PER3: variants seen among roughly 807,000 people sequenced by gnomAD.
PER3 encodes the protein period circadian protein homolog 3.
PER3 carries 107 observed loss-of-function variants against 127.2 expected under a neutral mutation model. The ratio of observed to expected loss-of-function variants is 0.84; its 90% CI spans 0.72 to 0.99. The LOEUF (loss-of-function observed/expected upper bound fraction) is 0.99. Ranked by LOEUF, PER3 falls within the 50% of genes least tolerant of loss-of-function variation. PER3 has a pLI of 0.00. For missense variants in PER3, 1,560 were observed against 1,525.8 expected (o/e 1.02, Z -0.37); for synonymous variants, 618 against 585.8 (o/e 1.05, Z -0.79).
At chr1:7,793,659 C>G (rs185334815) in intron 5 of PER3, among the ~76,000 whole-genome samples, 39 of 152,194 alleles carry the variant, frequency 2.6e-4, no homozygotes, top group Admixed American at 1.4e-3. Context: ...TTACATTGAC[C>G]TTTGAGATGA....
Position 7,843,267 on chromosome 1 carries a change from G to A in PER3, c.*512G>A, listed in dbSNP as rs191701351. ...TCCATAATTAAGATGAAACATTCCG[G>A]TTTTCTCACAACACATTAGCACATA... On this transcript the variant is annotated 3_prime_UTR_variant, in exon 22 of 22. Coordinates refer to ENST00000377532, the MANE Select transcript of PER3 (RefSeq NM_001377275.1). 4.6e-5 allele frequency: 7 copies of A among 153,048 alleles called. No individual in the cohort carries two copies. In the East Asian group the frequency reaches 1.3e-3, roughly 29 times the overall value. 9.5% of individuals were successfully genotyped at this position (153,048 alleles called of 1,614,324 possible).
chr1:7,808,102 G>C (rs1355622069), intron 10 of PER3, among the ~76,000 whole-genome samples: 1 of 151,782 alleles, frequency 6.6e-6, no homozygotes, highest in East Asian at 1.9e-4. Context: ...GCGTGGTGGC[G>C]TGCACCTGTA....
chr1:7,825,475 A>G (rs928770971), intron 16 of PER3, among the ~76,000 whole-genome samples: 1 of 152,220 alleles, frequency 6.6e-6, no homozygotes, highest in African/African-American at 2.4e-5. Flanking sequence ...AGCCACTGAT[A>G]AAGTTCTCCA....
intron 16 of PER3, among the ~76,000 whole-genome samples, chr1:7,821,886 C>T (rs2097278410): frequency 6.6e-6 from 1 of 152,192 alleles, no homozygotes; most frequent in South Asian, 2.1e-4. Context: ...TGCATCCTGA[C>T]TCAGATGAGT....
rs544389275 is a variant in PER3 at position 7,800,190 on chromosome 1, C to T, written c.794-923C>T. On this transcript the variant is annotated intron_variant, in intron 7 of 21. Coordinates refer to ENST00000377532, the MANE Select transcript of PER3 (RefSeq NM_001377275.1). ...AATGAGATATTAGCATTTGCTCATACCATTCCCTAATATATCAATCACTTC... is the reference window on the plus strand; with the variant it reads ...AATGAGATATTAGCATTTGCTCATATCATTCCCTAATATATCAATCACTTC... 4.2e-4 allele frequency among the ~76,000 whole-genome samples: 64 copies of T among 150,988 alleles called. 1 individual carries two copies. In the South Asian group the frequency reaches 6.9e-3, roughly 16 times the overall value.
intron 11 of PER3, 100 bp from the exon 12 acceptor site, chr1:7,809,793 G>C: frequency 1.8e-6 from 2 of 1,133,914 alleles, no homozygotes; most frequent in Non-Finnish European, 2.5e-6. Context: ...TAGTATTTCA[G>C]GAATTGTCAT....
Position 7,827,518 on chromosome 1 carries a change from C to T in PER3, c.2589C>T (p.Pro863=), listed in dbSNP as rs776133250. The change falls in exon 18 of 22, where the codon CCC becomes CCT. Residue 863 remains proline (P), a synonymous_variant. Coordinates refer to ENST00000377532, the MANE Select transcript of PER3 (RefSeq NM_001377275.1). ...DTFMTVFLPD[P]PVCPLLSPSF... ...TTATGACCGTTTTCCTGCCTGACCC[C>T]CCTGTCTGTCCTCTGTTGTCGCCAT... The T allele has an allele frequency of 7.4e-6, 12 of 1,614,128 alleles. No homozygotes were observed. Among genetic ancestry groups the T allele is most frequent in the East Asian group, 4.5e-5 (2 of 44,898 alleles).
chr1:7,814,541 A>G (rs993007868), intron 13 of PER3, among the ~76,000 whole-genome samples: 2 of 152,232 alleles, frequency 1.3e-5, no homozygotes, highest in African/African-American at 2.4e-5. Flanking sequence ...AATCATGGGA[A>G]TTTATTTCCA....
intron 18 of PER3, among the ~76,000 whole-genome samples, chr1:7,828,329 CAT>C (rs1399108190): frequency 6.6e-6 from 1 of 152,170 alleles, no homozygotes; most frequent in Non-Finnish European, 1.5e-5. Context: ...CACACTTAAA[CAT>C]GTCATTTTTT....
At chr1:7,831,736 G>T (rs2097332381) in intron 19 of PER3, among the ~76,000 whole-genome samples, 1 of 152,112 alleles carries the variant, frequency 6.6e-6, no homozygotes, top group African/African-American at 2.4e-5. Context: ...AATTAACCTT[G>T]CATTTGGTCA....
intron 6 of PER3, 148 bp from the exon 7 acceptor site, chr1:7,798,377 C>A (rs1033224099): frequency 1.6e-5 from 10 of 624,902 alleles, no homozygotes; most frequent in African/African-American, 1.5e-4. Context: ...CTAACATATT[C>A]TTTCTTTTGA....
chr1:7,832,689 T>C (rs2097338181), intron 19 of PER3, among the ~76,000 whole-genome samples: 1 of 145,574 alleles, frequency 6.9e-6, no homozygotes, highest in Non-Finnish European at 1.5e-5. Flanking sequence ...CTAATTTTTA[T>C]TACTTCTTTT....
At chr1:7,832,990 A>T (rs2097340363) in intron 19 of PER3, among the ~76,000 whole-genome samples, 1 of 152,104 alleles carries the variant, frequency 6.6e-6, no homozygotes, top group African/African-American at 2.4e-5. Flanking sequence ...GGCATATGCC[A>T]GTGTACCTGG....
At chr1:7,810,205 A>G in intron 12 of PER3, 184 bp downstream of exon 12, 1 of 672,092 alleles carries the variant, frequency 1.5e-6, no homozygotes, top group Admixed American at 3.2e-5. Flanking sequence ...TTGGAAAGTG[A>G]TATTTGAATT....
At chr1:7,820,423 T>C in intron 15 of PER3, 44 bp from the exon 16 acceptor site, 2 of 1,554,642 alleles carry the variant, frequency 1.3e-6, no homozygotes, top group African/African-American at 1.4e-5. Flanking sequence ...AAATTTCTCG[T>C]TGGGAATTTT....
At position 7,843,826 on chromosome 1, in the gene PER3, T is replaced by A; in HGVS notation, c.*1071T>A. 3 of 934,864 alleles carry A rather than the reference T, an allele frequency of 3.2e-6. No homozygotes were observed. Among genetic ancestry groups the A allele is most frequent in the Non-Finnish European group, 4.2e-6 (3 of 715,502 alleles). 57.9% of individuals were successfully genotyped at this position (934,864 alleles called of 1,614,324 possible). Reference sequence around the variant, plus strand: ...ATCAGTCACCGCTTTCTATGGCGTTTGTAGTTGTGTCTTTTAAGAAGTGAG... The same window carrying A: ...ATCAGTCACCGCTTTCTATGGCGTTAGTAGTTGTGTCTTTTAAGAAGTGAG... On this transcript the variant is annotated 3_prime_UTR_variant, in exon 22 of 22. Coordinates refer to ENST00000377532, the MANE Select transcript of PER3 (RefSeq NM_001377275.1).
chr1:7,835,940 T>C lies in PER3; in HGVS notation c.3393T>C (p.Pro1131=). The C allele has an allele frequency of 6.3e-7, 1 of 1,582,386 alleles. No homozygotes were observed. The highest frequency in any genetic ancestry group is 8.6e-7 in the Non-Finnish European group (1 of 1,158,632). ...GCATTCTCATGACATACCAGGTACC[T>C]GAGAGGTAAGAAAGCACTTTAGAAA... ...PERILMTYQV[P]ERVKEVVLKE... is the part of the protein sequence containing the mutation. The change falls in exon 20 of 22, where the codon CCT becomes CCC. Residue 1131 remains proline, a synonymous_variant. Coordinates refer to ENST00000377532, the MANE Select transcript of PER3 (RefSeq NM_001377275.1).
chr1:7,789,840 A>G (rs2097110657), intron 5 of PER3, among the ~76,000 whole-genome samples: 1 of 152,214 alleles, frequency 6.6e-6, no homozygotes, highest in Non-Finnish European at 1.5e-5. Flanking sequence ...GAAAACATGC[A>G]TGTCATCCCT....
At position 7,827,306 on chromosome 1, in the gene PER3, T is replaced by C; in HGVS notation, c.2377T>C (p.Phe793Leu). 1 of 1,613,754 alleles carries C rather than the reference T, an allele frequency of 6.2e-7. No homozygotes were observed. Among genetic ancestry groups the C allele is most frequent in the South Asian group, 1.1e-5 (1 of 91,044 alleles). Reference protein sequence around the residue: ...ASSPHTSSPTFPPAAMVPSQA... With the variant: ...ASSPHTSSPTLPPAAMVPSQA... ...CTCTCCGCACACCTCGAGCCCGACC[T>C]TCCCACCTGCCGCCATGGTGCCCAG... The change falls in exon 18 of 22, where the codon TTC becomes CTC. Residue 793 changes from phenylalanine to leucine, a missense_variant. Phe to Leu is a conservative substitution (Grantham distance 22). Around this residue, in one of 3 missense-constraint regions of PER3, gnomAD observed 1,332 missense variants for 1,223.6 expected, o/e 1.09. Coordinates refer to ENST00000377532, the MANE Select transcript of PER3 (RefSeq NM_001377275.1).
Sources: gnomAD v4.1 joint callset for allele counts (sites outside exome capture counted in the v4.1 genomes callset) on GRCh38, gnomAD v4.1.1 for gene constraint, gnomAD v4.1.1 regional missense constraint, MANE v1.5 for transcripts, NCBI Gene and HGNC (gene_info 2026-07-23, HGNC 2026-07-21) for gene names.